INO80D: variants seen among roughly 807,000 people sequenced by gnomAD.
INO80D encodes the protein INO80 complex subunit D.
A neutral mutation model predicts 87.6 loss-of-function variants in INO80D; 21 were observed. The ratio of observed to expected loss-of-function variants is 0.24; its 90% CI spans 0.17 to 0.35. INO80D has a LOEUF of 0.35. INO80D is among the 10% of genes least tolerant of loss of function. The pLI is 1.00. For synonymous variants in INO80D, 440 were observed against 491.0 expected (o/e 0.90, Z 1.37); for missense variants, 982 against 1,280.7 (o/e 0.77, Z 3.56).
At chr2:206,045,984 ATAAT>A (rs1299080548) in intron 5 of INO80D, among the ~76,000 whole-genome samples, 1 of 152,190 alleles carries the variant, frequency 6.6e-6, no homozygotes, top group Non-Finnish European at 1.5e-5. Flanking sequence ...AGGTTCTATT[ATAAT>A]TAATTCCTTT....
At chr2:206,009,836 G>A (rs765568450) in intron 8 of INO80D, 42 bp from the exon 9 acceptor site, 14 of 1,498,028 alleles carry the variant, frequency 9.3e-6, no homozygotes, top group Non-Finnish European at 1.2e-5. Context: ...AGATTATCTG[G>A]GATAAACCTG....
rs56081344 is a variant in INO80D, at chr2:206,075,039, C to CA, written c.-124+10861dup. ...GGATGACAAGAGCGAAACTCCATCT[C>CA]AAAAAAAAAAAAAAAATTCCTCTTT... is the stretch of plus-strand genomic sequence containing the variant. On this transcript the variant is annotated intron_variant, in intron 1 of 10. Transcript: ENST00000403263. 2.7e-3 allele frequency among the ~76,000 whole-genome samples: 319 copies of CA among 117,678 alleles called. 10 individuals carry two copies. Among genetic ancestry groups the CA allele is most frequent in the African/African-American group, 8.4e-3 (251 of 29,862 alleles). 77.2% of individuals were successfully genotyped at this position (117,678 alleles called of 152,430 possible). A position where few individuals can be genotyped will look rare whatever the true frequency, so the allele number is the denominator to read the frequency against.
At chr2:206,005,597 C>T (rs1688002727) in intron 10 of INO80D, 64 bp from the exon 11 acceptor site, 3 of 1,228,034 alleles carry the variant, frequency 2.4e-6, no homozygotes, top group African/African-American at 3.0e-5. Context: ...ACAAAAATCA[C>T]ACATTTGAAT....
In INO80D at chr2:206,002,046, A is replaced by T. The variant is rs2105788751; in HGVS notation, c.*2322T>A. 1 of 152,332 alleles carries T rather than the reference A, an allele frequency of 6.6e-6. No homozygotes were observed. The highest frequency in any genetic ancestry group is 2.1e-4 in the South Asian group (1 of 4,830). The allele number at this position is 152,332 out of a possible 1,614,324, so 9.4% of individuals were successfully genotyped here. A position where few individuals can be genotyped will look rare whatever the true frequency, so the allele number is the denominator to read the frequency against. On this transcript the variant is annotated 3_prime_UTR_variant, in exon 11 of 11. Transcript: ENST00000403263. Reference sequence around the variant, plus strand: ...ACATGAGGGGACAAGTAGACAGAAAAAGTTCAAATCGACTACCCACGACTT... The same window carrying T: ...ACATGAGGGGACAAGTAGACAGAAATAGTTCAAATCGACTACCCACGACTT...
intron 1 of INO80D, among the ~76,000 whole-genome samples, chr2:206,080,119 T>G (rs925204593): frequency 2.0e-5 from 3 of 152,118 alleles, no homozygotes; most frequent in Non-Finnish European, 4.4e-5. Context: ...GACTAAAAAC[T>G]CCTCAAGGGC....
intron 3 of INO80D, among the ~76,000 whole-genome samples, chr2:206,057,378 C>A (rs568985336): frequency 3.9e-5 from 6 of 152,122 alleles, no homozygotes; most frequent in African/African-American, 7.2e-5. Flanking sequence ...TGACATAAAA[C>A]CCTCAAGAAT....
intron 4 of INO80D, among the ~76,000 whole-genome samples, chr2:206,047,666 A>C (rs1173820907): frequency 6.6e-6 from 1 of 152,144 alleles, no homozygotes; most frequent in Non-Finnish European, 1.5e-5. Flanking sequence ...AAACAACAAA[A>C]AAAAAAAATC....
intron 1 of INO80D, among the ~76,000 whole-genome samples, chr2:206,063,919 T>C (rs1689750119): frequency 6.6e-6 from 1 of 152,166 alleles, no homozygotes; most frequent in Non-Finnish European, 1.5e-5. Flanking sequence ...ACCTAAAACT[T>C]CTCTCAGAAA....
chr2:206,075,434 T>A lies in INO80D; in HGVS notation c.-124+10467A>T, dbSNP rs190781611. Among the ~76,000 whole-genome samples the A allele has an allele frequency of 3.1e-4, 46 of 146,928 alleles. 1 individual carries two copies. The highest frequency in any genetic ancestry group is 9.3e-4 in the Admixed American group (13 of 13,956). On this transcript the variant is annotated intron_variant, in intron 1 of 10. Transcript: ENST00000403263. ...AAGAGCCTAGATCTACAACATACCT[T>A]ATAATTTTTTTTTTTTTTTAAAGAC...
At chr2:206,043,557 G>A (rs990703036) in intron 5 of INO80D, among the ~76,000 whole-genome samples, 3 of 151,332 alleles carry the variant, frequency 2.0e-5, no homozygotes, top group Admixed American at 6.6e-5. Context: ...GCACGATCTC[G>A]GCTCACTGCA....
chr2:206,002,663 AAAG>A lies in INO80D; in HGVS notation c.*1702_*1704del, dbSNP rs1388571078. On this transcript the variant is annotated 3_prime_UTR_variant, in exon 11 of 11. Coordinates refer to ENST00000403263, the MANE Select transcript of INO80D (RefSeq NM_017759.5). ...AAAAGCAGAGAAAGAAAAGCTTTCAAAAGAAGGGACTGGTTAGAACTAGCATGG... is the reference window on the plus strand; with the variant it reads ...AAAAGCAGAGAAAGAAAAGCTTTCAAAAGGGACTGGTTAGAACTAGCATGG... 6.6e-6 allele frequency: 1 copy of A among 152,222 alleles called. No homozygotes were observed. The highest frequency in any genetic ancestry group is 1.5e-5 in the Non-Finnish European group (1 of 68,024). The allele number at this position is 152,222 out of a possible 1,614,324, so 9.4% of individuals were successfully genotyped here.
intron 1 of INO80D, among the ~76,000 whole-genome samples, chr2:206,072,213 C>G (rs755327868): frequency 8.3e-4 from 127 of 152,114 alleles, no homozygotes; most frequent in Non-Finnish European, 1.5e-3. Context: ...CCTCTCTTGC[C>G]CTGGTTCAAT....
chr2:206,044,195 G>GAATT (rs973022051), intron 5 of INO80D, among the ~76,000 whole-genome samples: 34 of 151,990 alleles, frequency 2.2e-4, no homozygotes, highest in Admixed American at 7.9e-4. Flanking sequence ...TCGTCTCAAA[G>GAATT]AATTAATTAA....
At position 206,005,593 on chromosome 2, in the gene INO80D, A is replaced by G. The variant is rs1401759744; in HGVS notation, c.1919-60T>C. On this transcript the variant is annotated intron_variant, in intron 10 of 10. Transcript: ENST00000403263. ...CTTTTACCAGTTCTACATCACAAAA[A>G]TCACACATTTGAATTATTTTAAACA... The G allele has an allele frequency of 4.8e-6, 6 of 1,250,696 alleles. No homozygotes were observed. In the Admixed American group the frequency reaches 1.4e-4, roughly 28 times the overall value. The allele number at this position is 1,250,696 out of a possible 1,614,324, so 77.5% of individuals were successfully genotyped here.
At chr2:206,069,585 A>G (rs1237913139) in intron 1 of INO80D, among the ~76,000 whole-genome samples, 4 of 152,148 alleles carry the variant, frequency 2.6e-5, no homozygotes, top group Admixed American at 2.6e-4. Flanking sequence ...CAGATTCTCA[A>G]CATGTGGGGT....
intron 1 of INO80D, among the ~76,000 whole-genome samples, chr2:206,071,399 C>T (rs1338894374): frequency 7.1e-6 from 1 of 141,262 alleles, no homozygotes; most frequent in Non-Finnish European, 1.5e-5. Context: ...GCTGGGACTA[C>T]AGGTGCATGT....
Position 206,000,135 on chromosome 2 carries a change from AT to A in INO80D, c.*4232del, listed in dbSNP as rs771123485. 1 of 152,198 alleles carries A rather than the reference AT, an allele frequency of 6.6e-6. No individual in the cohort carries two copies. Among genetic ancestry groups the A allele is most frequent in the Admixed American group, 6.5e-5 (1 of 15,276 alleles). The allele number at this position is 152,198 out of a possible 1,614,324, so 9.4% of individuals were successfully genotyped here. On this transcript the variant is annotated 3_prime_UTR_variant, in exon 11 of 11. Coordinates refer to ENST00000403263, the MANE Select transcript of INO80D (RefSeq NM_017759.5). Reference sequence around the variant, plus strand: ...ATTAAACTGGAGAGTTCTGTTGACCATTTAGAAGACCATAATATTAGATTTC... The same window carrying A: ...ATTAAACTGGAGAGTTCTGTTGACCATTAGAAGACCATAATATTAGATTTC...
Position 206,005,072 on chromosome 2 carries a change from A to G in INO80D, c.2380T>C (p.Ser794Pro). The change falls in exon 11 of 11, where the codon TCC becomes CCC. Residue 794 changes from serine (S) to proline (P), a missense_variant. Physicochemically the swap from Ser to Pro is moderately conservative, Grantham distance 74. Transcript: ENST00000403263. ...AGCTGGGCAGGATGTGGCCTCTGGG[A>G]GGCATGGCTGCCGTCATGAAGTCCA... Reference protein sequence around the residue: ...FHGLHDGSHASQRPHPAQLLS... With the variant: ...FHGLHDGSHAPQRPHPAQLLS... The G allele has an allele frequency of 6.2e-7, 1 of 1,613,820 alleles. No homozygotes were observed. Among genetic ancestry groups the G allele is most frequent in the Non-Finnish European group, 8.5e-7 (1 of 1,179,844 alleles).
At position 206,009,680 on chromosome 2, in the gene INO80D, G is replaced by A. The variant is rs1319786184; in HGVS notation, c.1657C>T (p.Arg553Cys). The change falls in exon 9 of 11, where the codon CGT becomes TGT. Residue 553 changes from arginine (R) to cysteine (C), a missense_variant. Arg to Cys is a radical substitution (Grantham distance 180). Transcript: ENST00000403263. The stretch of plus-strand genomic sequence containing the variant: ...GGTTTTTGGGGTCGACGAGGTCCAC[G>A]CCTTCTCTTCTTCTTGTGTTTTTTG... ...LTKKHKKKRRRGPRRPQKPIP... is the reference protein window; with the variant it reads ...LTKKHKKKRRCGPRRPQKPIP... The A allele has an allele frequency of 1.9e-6, 3 of 1,613,930 alleles. No homozygotes were observed. The highest frequency in any genetic ancestry group is 1.7e-6 in the Non-Finnish European group (2 of 1,179,892).
Sources: allele counts gnomAD v4.1 joint callset (sites outside exome capture counted in the v4.1 genomes callset), GRCh38; gene constraint gnomAD v4.1.1; transcripts MANE v1.5; gene names NCBI Gene and HGNC (gene_info 2026-07-23, HGNC 2026-07-21).